PLCH2: variants seen among roughly 807,000 people sequenced by gnomAD.
The protein encoded by PLCH2 is 1-phosphatidylinositol 4,5-bisphosphate phosphodiesterase eta-2.
In PLCH2, 98 loss-of-function variants were observed where a neutral mutation model predicts 134.7. The observed-to-expected ratio is 0.73, with a 90% confidence interval of 0.62 to 0.86. PLCH2 has a LOEUF of 0.86. Ranked by LOEUF, PLCH2 falls within the 40% of genes least tolerant of loss-of-function variation. PLCH2 has a pLI of 0.00. For missense variants in PLCH2, 1,994 were observed against 1,986.6 expected (o/e 1.00, Z -0.07); for synonymous variants, 974 against 827.5 (o/e 1.18, Z -3.04).
At chr1:2,453,811 G>A (rs1377651284) in intron 2 of PLCH2, among the ~76,000 whole-genome samples, 2 of 152,298 alleles carry the variant, frequency 1.3e-5, no homozygotes, top group Admixed American at 6.5e-5. Context: ...GCCTGTCCCC[G>A]TCTCCCGGTG....
intron 19 of PLCH2, 42 bp from the exon 20 acceptor site, chr1:2,499,599 G>A: frequency 1.4e-6 from 2 of 1,441,850 alleles, no homozygotes; most frequent in Non-Finnish European, 1.9e-6. Flanking sequence ...GGGGCCCTGG[G>A]AGGCTGTGAC....
chr1:2,419,221 C>T, the PLCH2 span, among the ~76,000 whole-genome samples: 2 of 152,214 alleles, frequency 1.3e-5, no homozygotes, highest in African/African-American at 2.4e-5. Flanking sequence ...CTGGTCTGCA[C>T]GGTCGAGCTT....
intron 2 of PLCH2, among the ~76,000 whole-genome samples, chr1:2,449,861 G>A (rs1035696119): frequency 6.6e-5 from 10 of 152,180 alleles, no homozygotes; most frequent in South Asian, 2.1e-4. Flanking sequence ...GCTCCGTGAC[G>A]CTCCCTGGAA....
upstream of PLCH2, among the ~76,000 whole-genome samples, chr1:2,464,810 C>A (rs571454781): frequency 6.6e-6 from 1 of 152,204 alleles, no homozygotes; most frequent in Admixed American, 6.5e-5. Flanking sequence ...GGAGACACTG[C>A]GGACTCTGGG....
intron 5 of PLCH2, among the ~76,000 whole-genome samples, chr1:2,486,191 C>T (rs553029821): frequency 1.1e-3 from 161 of 152,350 alleles, no homozygotes; most frequent in African/African-American, 3.6e-3. Context: ...CCTTCCCTCC[C>T]TGACCTTTGC....
Position 2,505,025 on chromosome 1 carries a change from C to A in PLCH2, c.4063C>A (p.Gln1355Lys). ...GCGTGCCATTGCCAGCCGGGCCCGC[C>A]AGGCCCAGGAGCGGCAGCAGAGACT... Reference protein sequence around the residue: ...RVRAIASRARQAQERQQRLQG... With the variant: ...RVRAIASRARKAQERQQRLQG... Residue 1355 changes from glutamine to lysine, a missense_variant, in exon 22 of 22, where the codon CAG becomes AAG. Physicochemically the swap from Gln to Lys is moderately conservative, Grantham distance 53 (BLOSUM62 1). Transcript: ENST00000378486. 2 of 1,544,542 alleles carry A rather than the reference C, an allele frequency of 1.3e-6. No homozygotes were observed. The highest frequency in any genetic ancestry group is 2.4e-5 in the East Asian group (1 of 41,330).
rs147130579 is a variant in PLCH2 at position 2,505,067 on chromosome 1, C to G, written c.4105C>G (p.Gln1369Glu). 2.4e-4 allele frequency: 364 copies of G among 1,537,778 alleles called. No homozygotes were observed. The African/African-American group carries it at 4.7e-3, about 20-fold the overall frequency. ...RQQRLQGLGR[Q>E]GPPEEERGTP... ...GCAGAGACTGCAGGGCCTGGGCCGG[C>G]AGGGACCCCCAGAAGAGGAGCGGGG... The change falls in exon 22 of 22, where the codon CAG becomes GAG. Residue 1369 changes from glutamine (Q) to glutamate (E), a missense_variant. By Grantham distance (29) the Gln-to-Glu change is conservative (BLOSUM62 2). Around this residue, in one of 2 missense-constraint regions of PLCH2, gnomAD observed 900 missense variants for 752.3 expected, o/e 1.20. Transcript: ENST00000378486.
Position 2,503,764 on chromosome 1 carries a change from C to G in PLCH2, c.2960-158C>G, listed in dbSNP as rs774684119. 17 of 616,444 alleles carry G rather than the reference C, an allele frequency of 2.8e-5. 1 individual carries two copies. Among genetic ancestry groups the G allele is most frequent in the Admixed American group, 2.6e-4 (10 of 38,968 alleles). 38.2% of individuals were successfully genotyped at this position (616,444 alleles called of 1,614,324 possible). A position where few individuals can be genotyped will look rare whatever the true frequency, so the allele number is the denominator to read the frequency against. ...GTGGGGACACCGAGTGTGCCGCGCC[C>G]GGGGGATGCCTCGGGGTGGGAGCTG... On this transcript the variant is annotated intron_variant, in intron 21 of 21. Transcript: ENST00000378486.
chr1:2,478,120 G>A (rs1026534246), intron 1 of PLCH2, among the ~76,000 whole-genome samples: 2 of 152,184 alleles, frequency 1.3e-5, no homozygotes, highest in Non-Finnish European at 2.9e-5. Context: ...GCCCAGCGCC[G>A]GTTACCAGGG....
chr1:2,491,468 A>G (rs554532480), intron 11 of PLCH2, 133 bp downstream of exon 11: 7 of 923,496 alleles, frequency 7.6e-6, no homozygotes, highest in Non-Finnish European at 1.2e-5. Context: ...GCACACAAGC[A>G]TACCTCTGTA....
chr1:2,502,343 C>A lies in PLCH2; in HGVS notation c.2893C>A (p.Pro965Thr). The A allele has an allele frequency of 5.2e-6, 8 of 1,534,158 alleles. No individual in the cohort carries two copies. In the Middle Eastern group the frequency reaches 1.2e-3, roughly 227 times the overall value. The change falls in exon 21 of 22, where the codon CCC becomes ACC. Residue 965 changes from proline (P) to threonine (T), a missense_variant. Pro to Thr is a conservative substitution (Grantham distance 38). Transcript: ENST00000378486. Reference sequence around the variant, plus strand: ...CAAGGGGGTGGCAGACGATGTGGTGCCCCCCGGGCCCGGACCTGCTCCGGA... The same window carrying A: ...CAAGGGGGTGGCAGACGATGTGGTGACCCCCGGGCCCGGACCTGCTCCGGA... ...GSKGVADDVV[P>T]PGPGPAPEAP... is the part of the protein sequence containing the mutation.
upstream of PLCH2, among the ~76,000 whole-genome samples, chr1:2,466,354 G>C (rs190685726): frequency 6.6e-6 from 1 of 152,342 alleles, no homozygotes; most frequent in Non-Finnish European, 1.5e-5. Context: ...GTCCAGCCGA[G>C]GGTCCTAGGC....
chr1:2,416,137 G>T, the PLCH2 span, among the ~76,000 whole-genome samples: 28,940 of 152,184 alleles, frequency 0.19, 3,164 homozygotes, highest in Admixed American at 0.3. Context: ...CGGAACAGGG[G>T]ACTGCTGTGC....
intron 1 of PLCH2, among the ~76,000 whole-genome samples, chr1:2,468,460 A>C (rs1277016309): frequency 1.3e-5 from 2 of 152,032 alleles, no homozygotes; most frequent in African/African-American, 2.4e-5. Context: ...AGGCCCCTTC[A>C]GCACTGGCTG....
upstream of PLCH2, among the ~76,000 whole-genome samples, chr1:2,423,446 C>A (rs79688543): frequency 1.3e-4 from 20 of 152,176 alleles, no homozygotes; most frequent in Middle Eastern, 0.01. Flanking sequence ...AGTAACCAAC[C>A]GATACACGGA....
intron 1 of PLCH2, among the ~76,000 whole-genome samples, chr1:2,478,263 G>A (rs894453852): frequency 2.6e-5 from 4 of 152,196 alleles, no homozygotes; most frequent in African/African-American, 4.8e-5. Context: ...CAGGCAAGCC[G>A]GCACCTGGGG....
intron 2 of PLCH2, among the ~76,000 whole-genome samples, chr1:2,452,522 G>T (rs897221409): frequency 3.3e-5 from 5 of 152,338 alleles, no homozygotes; most frequent in Middle Eastern, 6.8e-3. Context: ...GCAGCAGGAG[G>T]TGAGGGCTGG....
At chr1:2,479,415 G>A (rs1350533594) in intron 2 of PLCH2, 16 of 273,482 alleles carry the variant, frequency 5.9e-5, no homozygotes, top group Middle Eastern at 1.2e-3. Context: ...ACGTGGAGAC[G>A]TGCTGGTTAA....
chr1:2,503,742 G>A, intron 21 of PLCH2, 180 bp from the exon 22 acceptor site: 1 of 617,562 alleles, frequency 1.6e-6, no homozygotes, highest in Non-Finnish European at 2.9e-6. Context: ...CAGCAGGGTG[G>A]GGACACCGAG....
Sources: gnomAD v4.1 joint callset for allele counts (sites outside exome capture counted in the v4.1 genomes callset) on GRCh38, gnomAD v4.1.1 for gene constraint, gnomAD v4.1.1 regional missense constraint, MANE v1.5 for transcripts, NCBI Gene and HGNC (gene_info 2026-07-23, HGNC 2026-07-21) for gene names.